Variants in PBRM1 observed in about 807,000 individuals in gnomAD.
The protein encoded by PBRM1 is polybromo 1, also known as protein polybromo-1.
Under a neutral mutation model 194.5 loss-of-function variants are expected in PBRM1, and 27 were observed. The ratio of observed to expected loss-of-function variants is 0.14; its 90% CI spans 0.10 to 0.19. The LOEUF is 0.19. PBRM1 is among the 10% of genes least tolerant of loss of function. The pLI is 1.00. For synonymous variants in PBRM1, 655 were observed against 693.2 expected (o/e 0.94, Z 0.87); for missense variants, 1,466 against 2,077.2 (o/e 0.71, Z 5.72).
chr3:52,603,465 G>C, intron 17 of PBRM1, 56 bp downstream of exon 19: 1 of 1,531,982 alleles, frequency 6.5e-7, no homozygotes, highest in Admixed American at 2.0e-5. Flanking sequence ...CTAATTATGA[G>C]AACACCTAGA....
intron 2 of PBRM1, among the ~76,000 whole-genome samples, chr3:52,671,070 C>A (rs114492371): frequency 0.01 from 1,560 of 152,208 alleles, 26 homozygotes; most frequent in African/African-American, 0.036. Flanking sequence ...CCACAAAGAC[C>A]GCAGAATAGA....
chr3:52,685,674 C>G (rs2097302271), intron 1 of PBRM1, 75 bp downstream of exon 1: 1 of 148,684 alleles, frequency 6.7e-6, no homozygotes, highest in African/African-American at 2.4e-5. Flanking sequence ...GCGGCTCCCG[C>G]CCGCCCGGGC....
chr3:52,597,164 TG>T (rs1037615099), intron 17 of PBRM1, among the ~76,000 whole-genome samples: 1 of 152,198 alleles, frequency 6.6e-6, no homozygotes, highest in Non-Finnish European at 1.5e-5. Flanking sequence ...CAGCTGATGC[TG>T]GGGTATGGGA....
intron 17 of PBRM1, among the ~76,000 whole-genome samples, chr3:52,589,882 G>A (rs773538191): frequency 3.3e-5 from 5 of 151,938 alleles, no homozygotes; most frequent in Non-Finnish European, 7.4e-5. Flanking sequence ...AGGCTGGAGT[G>A]CAATGGCACA....
chr3:52,556,842 A>G (rs2082321831), intron 26 of PBRM1, among the ~76,000 whole-genome samples: 1 of 152,040 alleles, frequency 6.6e-6, no homozygotes, highest in Non-Finnish European at 1.5e-5. Flanking sequence ...ATAATGGAGC[A>G]GGGGCTTTCT....
chr3:52,604,256 T>C (rs1400871286), intron 16 of PBRM1, among the ~76,000 whole-genome samples: 1 of 152,252 alleles, frequency 6.6e-6, no homozygotes, highest in Non-Finnish European at 1.5e-5. Context: ...AAGTATTCTA[T>C]AATGGTTACA....
At chr3:52,574,025 G>A (rs2088468105) in intron 22 of PBRM1, among the ~76,000 whole-genome samples, 1 of 152,164 alleles carries the variant, frequency 6.6e-6, no homozygotes, top group Non-Finnish European at 1.5e-5. Flanking sequence ...TGCTTAGCTT[G>A]GAATTCCCTT....
chr3:52,586,499 C>T (rs755075248), exon 20 of PBRM1: 1 of 1,614,006 alleles, frequency 6.2e-7, no homozygotes, highest in Non-Finnish European at 8.5e-7. Context: ...TCACCTTTAT[C>T]TGCATTTGCA....
At chr3:52,683,347 C>A (rs943732761), upstream of PBRM1, among the ~76,000 whole-genome samples, 1 of 151,216 alleles carries the variant, frequency 6.6e-6, no homozygotes, top group African/African-American at 2.4e-5. Context: ...GCACTCCAGT[C>A]TGGGTGACAG....
intron 20 of PBRM1, among the ~76,000 whole-genome samples, chr3:52,584,211 C>T (rs1452987577): frequency 1.3e-5 from 2 of 151,936 alleles, no homozygotes; most frequent in Non-Finnish European, 2.9e-5. Context: ...TCTATATATT[C>T]CTTGTTAAGG....
At chr3:52,607,786 T>C (rs1314922412) in intron 16 of PBRM1, among the ~76,000 whole-genome samples, 3 of 152,364 alleles carry the variant, frequency 2.0e-5, no homozygotes, top group Middle Eastern at 3.4e-3. Flanking sequence ...CCAAGAGTTT[T>C]TGACTGCAAG....
rs756053800 is a variant in PBRM1, at chr3:52,554,703, G to A, written c.4609+21C>T. ...GAATATGAAGATGAGATTAATGAGT[G>A]AATGAGGATGAAGTTCTTACCCGGT... On this transcript the variant is annotated intron_variant, in intron 27 of 29. Coordinates refer to ENST00000296302, the Ensembl canonical transcript of PBRM1. The A allele has an allele frequency of 3.4e-5, 52 of 1,532,374 alleles. No homozygotes were observed. The South Asian group carries it at 6.5e-4, about 19-fold the overall frequency. 94.9% of individuals were successfully genotyped at this position (1,532,374 alleles called of 1,614,324 possible).
At position 52,672,977 on chromosome 3, in the gene PBRM1, AT is replaced by A. The variant is rs199533363; in HGVS notation, c.237-4333del. Among the ~76,000 whole-genome samples, 35 of 151,718 alleles carry A rather than the reference AT, an allele frequency of 2.3e-4. No homozygotes were observed. The East Asian group carries it at 5.9e-3, about 25-fold the overall frequency. ...TTCAATACAGTCTTAAGAGCTATTA[AT>A]TTTTTTTATTAATTTTTAATTTTTT... On this transcript the variant is annotated intron_variant, in intron 2 of 29. Coordinates refer to ENST00000296302, the Ensembl canonical transcript of PBRM1.
intron 11 of PBRM1, among the ~76,000 whole-genome samples, chr3:52,629,689 A>G (rs561000483): frequency 2.6e-5 from 4 of 152,346 alleles, no homozygotes; most frequent in African/African-American, 9.6e-5. Flanking sequence ...TTATTATTGT[A>G]TCAACTATCA....
At position 52,609,395 on chromosome 3, in the gene PBRM1, C is replaced by A. The variant is rs1195116525; in HGVS notation, c.2485G>T (p.Val829Phe). ...AGCCGACGGTAGCGATTATTTTCAA[C>A]ATTCTTCCTAATTATGTCAAATGTA... is the stretch of plus-strand genomic sequence containing the variant. Residue 829 changes from valine (V) to phenylalanine (F), a missense_variant, in exon 16 of 30, where the codon GTT (valine) becomes TTT (phenylalanine). Val to Phe is a conservative substitution (Grantham distance 50). Around this residue, in one of 5 missense-constraint regions of PBRM1, gnomAD observed 687 missense variants for 946.2 expected, o/e 0.73. Transcript: ENST00000296302. This position sits in a 1 kb window ranked among gnomAD's most constrained non-coding sequence, Gnocchi z 4.1. 33 of 1,613,832 alleles carry A rather than the reference C, an allele frequency of 2.0e-5. No individual in the cohort carries two copies. Among genetic ancestry groups the A allele is most frequent in the Non-Finnish European group, 2.7e-5 (32 of 1,179,722 alleles).
At chr3:52,573,659 T>G (rs1264571098) in intron 22 of PBRM1, among the ~76,000 whole-genome samples, 1 of 152,134 alleles carries the variant, frequency 6.6e-6, no homozygotes, top group Non-Finnish European at 1.5e-5. Flanking sequence ...TCAGTGAATA[T>G]GGAGGAGTAG....
At chr3:52,588,622 C>T (rs1250075944) in intron 18 of PBRM1, among the ~76,000 whole-genome samples, 12 of 145,304 alleles carry the variant, frequency 8.3e-5, no homozygotes, top group East Asian at 2.0e-4. Flanking sequence ...GGCGTGATCT[C>T]GGCTCCCTTG....
At chr3:52,591,561 C>T (rs2093056762) in intron 17 of PBRM1, among the ~76,000 whole-genome samples, 1 of 136,708 alleles carries the variant, frequency 7.3e-6, no homozygotes, top group Admixed American at 7.5e-5. Context: ...CTCTTGTCTC[C>T]CAGGCTGGAG....
intron 13 of PBRM1, among the ~76,000 whole-genome samples, chr3:52,620,492 C>A (rs2153521896): frequency 6.6e-6 from 1 of 152,316 alleles, no homozygotes; most frequent in South Asian, 2.1e-4. Flanking sequence ...TGGGTTTCAG[C>A]ACACTAAGCC....
Sources: allele counts gnomAD v4.1 joint callset (sites outside exome capture counted in the v4.1 genomes callset), GRCh38; gene constraint gnomAD v4.1.1; regional missense constraint gnomAD v4.1.1; non-coding constraint Gnocchi (gnomAD v3.1); transcripts MANE v1.5; gene names NCBI Gene and HGNC (gene_info 2026-07-23, HGNC 2026-07-21).